ZNF33A: variants seen among roughly 807,000 people sequenced by gnomAD.
ZNF33A encodes zinc finger protein 33A.
ZNF33A carries 9 observed loss-of-function variants against 15.9 expected under a neutral mutation model. The ratio of observed to expected loss-of-function variants is 0.57; its 90% confidence interval spans 0.34 to 0.99. ZNF33A has a LOEUF of 0.99. ZNF33A is among the 50% of genes least tolerant of loss of function. The probability of loss-of-function intolerance (pLI) is 0.02; values close to 1 mark genes in which losing one functional copy is unlikely to be tolerated. For missense variants in ZNF33A, 843 were observed against 941.6 expected, an observed-to-expected ratio of 0.90 and a Z score of 1.37; for synonymous variants, 294 against 324.2, an observed-to-expected ratio of 0.91 and a Z score of 1.00.
intron 4 of ZNF33A, among the ~76,000 whole-genome samples, chr10:38,018,753 A>G (rs1274619401): frequency 6.6e-6 from 1 of 152,126 alleles, no homozygotes; most frequent in Non-Finnish European, 1.5e-5. Context: ...ATAACAAAAG[A>G]ACTAACATTT....
rs982871833 is a variant in ZNF33A, at chr10:38,058,854, A to G, written c.*2294A>G. The stretch of plus-strand genomic sequence containing the variant: ...GTGTTTTTGAGATACTTAAGGTAGA[A>G]ATGATACCAAGTCTCTACCATCTCT... On this transcript the variant is annotated 3_prime_UTR_variant, in exon 5 of 5. Coordinates refer to ENST00000432900, the MANE Select transcript of ZNF33A (RefSeq NM_006954.2). 3 of 152,210 alleles carry G rather than the reference A, an allele frequency of 2.0e-5. No homozygotes were observed. The highest frequency in any genetic ancestry group is 7.2e-5 in the African/African-American group (3 of 41,454). The allele number at this position is 152,210 out of a possible 1,614,324, so 9.4% of individuals were successfully genotyped here. A position where few individuals can be genotyped will look rare whatever the true frequency, so the allele number is the denominator to read the frequency against.
chr10:38,060,507 C>G (rs1382754775), downstream of ZNF33A, among the ~76,000 whole-genome samples: 1 of 152,194 alleles, frequency 6.6e-6, no homozygotes, highest in African/African-American at 2.4e-5. Context: ...TAGTCGAACC[C>G]TGTGTGGCTC....
intron 1 of ZNF33A, among the ~76,000 whole-genome samples, chr10:38,011,162 C>G (rs951993014): frequency 1.3e-5 from 2 of 152,226 alleles, no homozygotes; most frequent in Non-Finnish European, 2.9e-5. Context: ...CCGGCAGACT[C>G]GGTTGCACGT....
intron 4 of ZNF33A, among the ~76,000 whole-genome samples, chr10:38,049,164 C>T (rs1359297469): frequency 6.6e-6 from 1 of 152,028 alleles, no homozygotes; most frequent in Non-Finnish European, 1.5e-5. Flanking sequence ...ACTGAATATA[C>T]TTCTACATAA....
chr10:38,027,680 G>A (rs1219448142), intron 4 of ZNF33A, among the ~76,000 whole-genome samples: 1 of 152,110 alleles, frequency 6.6e-6, no homozygotes, highest in Non-Finnish European at 1.5e-5. Context: ...AGAACTGTCA[G>A]TTTCTCCCTT....
intron 4 of ZNF33A, among the ~76,000 whole-genome samples, chr10:38,021,510 G>A (rs377241071): frequency 3.3e-5 from 5 of 151,994 alleles, no homozygotes; most frequent in Admixed American, 6.6e-5. Flanking sequence ...GCATGGTGGC[G>A]CATGCCTGTA....
chr10:38,038,619 G>A (rs2065556216), intron 4 of ZNF33A, among the ~76,000 whole-genome samples: 1 of 152,276 alleles, frequency 6.6e-6, no homozygotes, highest in Admixed American at 6.5e-5. Flanking sequence ...AATCTCCTGT[G>A]TGATGTGTAA....
At chr10:38,020,972 T>TA (rs2064710418) in intron 4 of ZNF33A, among the ~76,000 whole-genome samples, 1 of 152,346 alleles carries the variant, frequency 6.6e-6, no homozygotes, top group East Asian at 1.9e-4. Flanking sequence ...ACCTGACTTT[T>TA]AGTTCCTGTG....
At chr10:38,027,363 T>G (rs1181667131) in intron 4 of ZNF33A, among the ~76,000 whole-genome samples, 1 of 150,488 alleles carries the variant, frequency 6.6e-6, no homozygotes, top group Admixed American at 6.7e-5. Context: ...GCATTTGTAT[T>G]TTTTTTTTAA....
intron 4 of ZNF33A, among the ~76,000 whole-genome samples, chr10:38,024,555 A>T (rs1261930419): frequency 6.6e-6 from 1 of 152,206 alleles, no homozygotes; most frequent in Non-Finnish European, 1.5e-5. Context: ...AAATAAACTT[A>T]TTCCAAAATT....
chr10:38,058,174 G>A lies in ZNF33A; in HGVS notation c.*1614G>A. 1.6e-6 allele frequency: 1 copy of A among 639,676 alleles called. No individual in the cohort carries two copies. The highest frequency in any genetic ancestry group is 1.9e-6 in the Non-Finnish European group (1 of 514,382). The allele number at this position is 639,676 out of a possible 1,614,324, so 39.6% of individuals were successfully genotyped here. On this transcript the variant is annotated 3_prime_UTR_variant, in exon 5 of 5. Transcript: ENST00000432900. Reference sequence around the variant, plus strand: ...GAGTAAAAATCATTGAAATTGAAAAGAGAAAATCGATAAAACCCAAAACTG... The same window carrying A: ...GAGTAAAAATCATTGAAATTGAAAAAAGAAAATCGATAAAACCCAAAACTG...
Position 38,057,732 on chromosome 10 carries a change from G to A in ZNF33A, c.*1172G>A. The A allele has an allele frequency of 1.0e-6, 1 of 985,458 alleles. No individual in the cohort carries two copies. The highest frequency in any genetic ancestry group is 1.2e-6 in the Non-Finnish European group (1 of 829,966). 61.0% of individuals were successfully genotyped at this position (985,458 alleles called of 1,614,324 possible). Reference sequence around the variant, plus strand: ...TGTGGCTCATGCCATGCCATGAAGTGCCTAGGGTACATATGTGAACATTCC... The same window carrying A: ...TGTGGCTCATGCCATGCCATGAAGTACCTAGGGTACATATGTGAACATTCC... On this transcript the variant is annotated 3_prime_UTR_variant, in exon 5 of 5. Transcript: ENST00000432900.
Position 38,056,927 on chromosome 10 carries a change from AC to A in ZNF33A, c.*368del. On this transcript the variant is annotated 3_prime_UTR_variant, in exon 5 of 5. Coordinates refer to ENST00000432900, the MANE Select transcript of ZNF33A (RefSeq NM_006954.2). ...GGAATGTAAAGCTTTAAGAACTTAA[AC>A]AAAGGTAATAATTAAAATAACCTCA... 2.1e-6 allele frequency: 2 copies of A among 955,368 alleles called. No homozygotes were observed. The highest frequency in any genetic ancestry group is 2.5e-6 in the Non-Finnish European group (2 of 799,256). The allele number at this position is 955,368 out of a possible 1,614,324, so 59.2% of individuals were successfully genotyped here.
intron 4 of ZNF33A, 142 bp downstream of exon 4, chr10:38,017,528 A>G: frequency 1.7e-6 from 1 of 581,484 alleles, no homozygotes; most frequent in South Asian, 2.9e-5. Flanking sequence ...GAGAATATTG[A>G]TTCCTAAATC....
intron 2 of ZNF33A, chr10:38,016,028 C>T (rs2135544252): frequency 8.1e-7 from 1 of 1,231,040 alleles, no homozygotes; most frequent in Non-Finnish European, 1.0e-6. Context: ...GATGTCTTCT[C>T]CGCTGTACTC....
chr10:38,026,080 A>G (rs1288115025), intron 4 of ZNF33A, among the ~76,000 whole-genome samples: 1 of 152,204 alleles, frequency 6.6e-6, no homozygotes, highest in African/African-American at 2.4e-5. Flanking sequence ...TCAGCTTTCA[A>G]CTGTATTGTA....
intron 2 of ZNF33A, among the ~76,000 whole-genome samples, chr10:38,012,607 G>C (rs565340241): frequency 1.3e-5 from 2 of 151,498 alleles, no homozygotes; most frequent in African/African-American, 4.8e-5. Context: ...AATTTTTTGC[G>C]TTTTAATAGA....
In ZNF33A at chr10:38,054,680, C is replaced by G. The variant is rs1240552390; in HGVS notation, c.556C>G (p.His186Asp). The G allele has an allele frequency of 1.2e-6, 2 of 1,613,594 alleles. No individual in the cohort carries two copies. Among genetic ancestry groups the G allele is most frequent in the African/African-American group, 2.7e-5 (2 of 74,898 alleles). The change falls in exon 5 of 5, where the codon CAT (histidine) becomes GAT (aspartate). Residue 186 changes from histidine to aspartate, a missense_variant. By Grantham distance (81) the His-to-Asp change is moderately conservative (BLOSUM62 -1). Transcript: ENST00000432900. ...ACTCAATATTAAGCATGATGAAACT[C>G]ATACTCAAGAGAAAAATGAAGTTTT... ...LLLNIKHDETHTQEKNEVLKN... is the reference protein window; with the variant it reads ...LLLNIKHDETDTQEKNEVLKN...
Position 38,055,198 on chromosome 10 carries a change from A to G in ZNF33A, c.1074A>G (p.Gln358=), listed in dbSNP as rs780849647. 2 of 1,614,184 alleles carry G rather than the reference A, an allele frequency of 1.2e-6. No individual in the cohort carries two copies. The highest frequency in any genetic ancestry group is 3.3e-5 in the Admixed American group (2 of 60,016). The change falls in exon 5 of 5, where the codon CAA becomes CAG. Residue 358 remains glutamine (Q), a synonymous_variant. Transcript: ENST00000432900. ...TGCACACAGGACAGAAACCCTTTCA[A>G]TGTAATGAATGTGAAAAAGCTTTCT... The part of the protein sequence containing the change: ...QRVHTGQKPF[Q]CNECEKAFWD...
Sources: gnomAD v4.1 joint callset for allele counts (sites outside exome capture counted in the v4.1 genomes callset) on GRCh38, gnomAD v4.1.1 for gene constraint, MANE v1.5 for transcripts, NCBI Gene and HGNC (gene_info 2026-07-23, HGNC 2026-07-21) for gene names.